FLI1: variants seen among roughly 807,000 people sequenced by gnomAD.
The protein encoded by FLI1 is Fli-1 proto-oncogene, ETS transcription factor, also known as Friend leukemia integration 1 transcription factor.
A neutral mutation model predicts 53.1 loss-of-function variants in FLI1; 13 were observed. That is an observed-to-expected ratio of 0.24 (90% CI 0.16 to 0.39). The LOEUF (loss-of-function observed/expected upper bound fraction) is 0.39, where lower values mean the gene tolerates loss of function less well. Among genes scored for constraint, FLI1 ranks in the 10% least tolerant of loss-of-function variants. FLI1 has a pLI of 1.00. For missense variants in FLI1, 424 were observed against 600.5 expected, an observed-to-expected ratio of 0.71 and a Z score of 3.07; for synonymous variants, 244 against 236.7, an observed-to-expected ratio of 1.03 and a Z score of -0.28.
At chr11:128,787,686 A>C (rs1942132373) in intron 5 of FLI1, among the ~76,000 whole-genome samples, 1 of 152,226 alleles carries the variant, frequency 6.6e-6, no homozygotes, top group Non-Finnish European at 1.5e-5. Flanking sequence ...AAATCAGCAC[A>C]GTTTCTGACA....
intron 1 of FLI1, among the ~76,000 whole-genome samples, chr11:128,710,024 T>A (rs751877379): frequency 6.6e-6 from 1 of 152,214 alleles, no homozygotes; most frequent in Non-Finnish European, 1.5e-5. Flanking sequence ...GATGATCCTC[T>A]TTTAGTGTTG....
chr11:128,705,535 T>TA (rs930898997), intron 1 of FLI1, among the ~76,000 whole-genome samples: 1 of 152,080 alleles, frequency 6.6e-6, no homozygotes, highest in African/African-American at 2.4e-5. Context: ...CAATTTTTTT[T>TA]AAAAAACATA....
intron 2 of FLI1, among the ~76,000 whole-genome samples, chr11:128,762,003 CG>C (rs1565486973): frequency 2.6e-5 from 4 of 152,246 alleles, no homozygotes. Context: ...GCACAGCTAT[CG>C]CCAGCACCCC....
At chr11:128,779,412 G>T (rs1006086529) in intron 4 of FLI1, among the ~76,000 whole-genome samples, 2 of 152,034 alleles carry the variant, frequency 1.3e-5, no homozygotes, top group Admixed American at 6.6e-5. Context: ...CCTTCCAGTC[G>T]TGCCGGATTA....
intron 2 of FLI1, among the ~76,000 whole-genome samples, chr11:128,759,046 CT>C (rs1329785385): frequency 6.6e-6 from 1 of 152,220 alleles, no homozygotes; most frequent in Admixed American, 6.5e-5. Context: ...TATTCACTTC[CT>C]TATGGTCCTT....
At chr11:128,809,943 C>G (rs1215725566) in intron 8 of FLI1, among the ~76,000 whole-genome samples, 1 of 152,140 alleles carries the variant, frequency 6.6e-6, no homozygotes, top group African/African-American at 2.4e-5. Flanking sequence ...CTGGGCCTGC[C>G]AAGGGCCAAT....
At chr11:128,753,682 C>T (rs1940742804) in intron 1 of FLI1, among the ~76,000 whole-genome samples, 1 of 152,244 alleles carries the variant, frequency 6.6e-6, no homozygotes, top group Non-Finnish European at 1.5e-5. Context: ...GAAGTAGCAA[C>T]AGCTCCTCAT....
chr11:128,728,249 C>T (rs987352584), intron 1 of FLI1, among the ~76,000 whole-genome samples: 2 of 152,230 alleles, frequency 1.3e-5, no homozygotes, highest in South Asian at 2.1e-4. Flanking sequence ...AGTGCACTTC[C>T]GGATTCCCTT....
rs3216814 is a variant in FLI1 at position 128,782,158 on chromosome 11, A to AG, written c.655+135_655+136insG. 441,597 of 742,238 alleles carry AG rather than the reference A, an allele frequency of 0.59. 134,537 individuals are homozygous for AG. Among genetic ancestry groups the AG allele is most frequent in the African/African-American group, 0.78 (44,230 of 56,720 alleles). 46.0% of individuals were successfully genotyped at this position (742,238 alleles called of 1,614,324 possible). ...TTCCTAGCATACAAAGACAAGCCAAAATTTTCGCCACTTGTGCTACCAGTT... is the reference window on the plus strand; with the variant it reads ...TTCCTAGCATACAAAGACAAGCCAAAGATTTTCGCCACTTGTGCTACCAGTT... On this transcript the variant is annotated intron_variant, in intron 5 of 8. Transcript: ENST00000527786.
At chr11:128,739,021 G>A (rs1315244934) in intron 1 of FLI1, among the ~76,000 whole-genome samples, 2 of 152,214 alleles carry the variant, frequency 1.3e-5, no homozygotes, top group African/African-American at 4.8e-5. Flanking sequence ...TATGGCTTAT[G>A]AGTGCAGAGA....
chr11:128,704,520 TA>T (rs955136630), intron 1 of FLI1, among the ~76,000 whole-genome samples: 3 of 152,212 alleles, frequency 2.0e-5, no homozygotes, highest in South Asian at 2.1e-4. Context: ...CCGTGGCCTT[TA>T]AAAAAATCCT....
At chr11:128,702,858 T>A in intron 1 of FLI1, among the ~76,000 whole-genome samples, 1 of 120,120 alleles carries the variant, frequency 8.3e-6, no homozygotes, top group African/African-American at 3.3e-5. Flanking sequence ...CGAGATTCTG[T>A]CTCAAAGAAA....
At chr11:128,782,115 G>T in intron 5 of FLI1, 92 bp downstream of exon 5, 1 of 1,197,764 alleles carries the variant, frequency 8.3e-7, no homozygotes. Flanking sequence ...AAACCAGCTT[G>T]CGTGTTCCAC....
intron 1 of FLI1, among the ~76,000 whole-genome samples, chr11:128,727,384 G>T (rs563243774): frequency 6.6e-6 from 1 of 152,332 alleles, no homozygotes; most frequent in Non-Finnish European, 1.5e-5. Context: ...GAAAACCAGC[G>T]ATAGCAAGCC....
chr11:128,746,214 A>G (rs1019877660), intron 1 of FLI1, among the ~76,000 whole-genome samples: 2 of 152,186 alleles, frequency 1.3e-5, no homozygotes, highest in African/African-American at 2.4e-5. Context: ...CTTAGGTGCC[A>G]GGAAGTGTGC....
chr11:128,781,043 G>A (rs1941899084), intron 4 of FLI1, among the ~76,000 whole-genome samples: 1 of 152,216 alleles, frequency 6.6e-6, no homozygotes, highest in Non-Finnish European at 1.5e-5. Context: ...TGTTTTACAT[G>A]TAACAACAAA....
rs531531180 is a variant in FLI1 at position 128,747,110 on chromosome 11, G to A, written c.19-11005G>A. On this transcript the variant is annotated intron_variant, in intron 1 of 8. Coordinates refer to ENST00000527786, the MANE Select transcript of FLI1 (RefSeq NM_002017.5). Reference sequence around the variant, plus strand: ...TCAGGAAACCATTCCCCAGGTCAGGGACAACATTCACATCATGACAATCTG... The same window carrying A: ...TCAGGAAACCATTCCCCAGGTCAGGAACAACATTCACATCATGACAATCTG... 1.8e-4 allele frequency among the ~76,000 whole-genome samples: 28 copies of A among 152,324 alleles called. 1 individual carries two copies. Among genetic ancestry groups the A allele is most frequent in the Admixed American group, 1.3e-3 (20 of 15,304 alleles).
At chr11:128,727,826 C>A (rs1358827316) in intron 1 of FLI1, among the ~76,000 whole-genome samples, 1 of 152,228 alleles carries the variant, frequency 6.6e-6, no homozygotes, top group Admixed American at 6.5e-5. Flanking sequence ...CCCTGTCCCA[C>A]AACCACAGCC....
chr11:128,719,860 G>A (rs1362571158), intron 1 of FLI1, among the ~76,000 whole-genome samples: 1 of 152,210 alleles, frequency 6.6e-6, no homozygotes, highest in Non-Finnish European at 1.5e-5. Context: ...AGGCTGCTGA[G>A]AAACAGGACT....
Sources: allele counts gnomAD v4.1 joint callset (sites outside exome capture counted in the v4.1 genomes callset), GRCh38; gene constraint gnomAD v4.1.1; transcripts MANE v1.5; gene names NCBI Gene and HGNC (gene_info 2026-07-23, HGNC 2026-07-21).